The following SLC25A24 variants were observed in gnomAD, a reference collection of about 807,000 sequenced individuals.
The protein encoded by SLC25A24 is solute carrier family 25 member 24.
A neutral mutation model predicts 60.7 loss-of-function variants in SLC25A24; 49 were observed. The observed-to-expected ratio is 0.81, with a 90% CI of 0.64 to 1.02. The LOEUF is 1.02. SLC25A24 is among the 50% of genes least tolerant of loss of function. SLC25A24 has a pLI of 0.00. For missense variants in SLC25A24, 564 were observed against 586.3 expected (o/e 0.96, Z 0.39); for synonymous variants, 202 against 200.6 (o/e 1.01, Z -0.06).
chr1:108,194,657 T>C (rs1375031321), intron 1 of SLC25A24, among the ~76,000 whole-genome samples: 8 of 152,176 alleles, frequency 5.3e-5, no homozygotes, highest in Admixed American at 6.5e-5. Flanking sequence ...TTATTTTTTA[T>C]TCCCCATGCA....
intron 6 of SLC25A24, among the ~76,000 whole-genome samples, chr1:108,149,314 T>C (rs770619801): frequency 2.0e-5 from 3 of 151,998 alleles, no homozygotes; most frequent in East Asian, 1.9e-4. Context: ...ACAGCCAAAA[T>C]AGTGACTGGC....
At chr1:108,199,750 A>T in intron 1 of SLC25A24, 1 of 594,622 alleles carries the variant, frequency 1.7e-6, no homozygotes, top group Non-Finnish European at 3.0e-6. Flanking sequence ...ATACCAGTAG[A>T]CTTTCGTATT....
intron 1 of SLC25A24, among the ~76,000 whole-genome samples, chr1:108,187,944 AT>A (rs1648202992): frequency 1.4e-5 from 2 of 145,872 alleles, no homozygotes; most frequent in Admixed American, 1.4e-4. Flanking sequence ...ATATATATAT[AT>A]TCATGCACTG....
At chr1:108,181,399 C>T (rs1197812951) in intron 3 of SLC25A24, among the ~76,000 whole-genome samples, 1 of 152,186 alleles carries the variant, frequency 6.6e-6, no homozygotes, top group African/African-American at 2.4e-5. Flanking sequence ...TGCTCTATCC[C>T]ATGAAACAAA....
chr1:108,142,992 C>T (rs1679483010), intron 8 of SLC25A24, among the ~76,000 whole-genome samples: 1 of 152,138 alleles, frequency 6.6e-6, no homozygotes, highest in South Asian at 2.1e-4. Context: ...GCACAGATAA[C>T]CACGCTGAGT....
chr1:108,143,498 A>G (rs373099885), intron 8 of SLC25A24, 45 bp downstream of exon 8: 11 of 1,524,384 alleles, frequency 7.2e-6, no homozygotes, highest in Non-Finnish European at 9.8e-6. Context: ...AATTCTAACA[A>G]GATCTAACTG....
chr1:108,150,325 A>G (rs922049980), intron 6 of SLC25A24, among the ~76,000 whole-genome samples: 3 of 152,206 alleles, frequency 2.0e-5, no homozygotes, highest in African/African-American at 7.2e-5. Flanking sequence ...CCTGGTATGT[A>G]AAACTATGTC....
At chr1:108,191,747 T>C (rs543119733) in intron 1 of SLC25A24, among the ~76,000 whole-genome samples, 8 of 140,170 alleles carry the variant, frequency 5.7e-5, no homozygotes, top group African/African-American at 9.9e-5. Flanking sequence ...TTATCCAAAA[T>C]AAACTCAATA....
chr1:108,139,763 C>G (rs1182402084), intron 8 of SLC25A24, among the ~76,000 whole-genome samples: 2 of 152,082 alleles, frequency 1.3e-5, no homozygotes, highest in East Asian at 1.9e-4. Flanking sequence ...AGGCACCCAC[C>G]ACCACGCCCA....
Position 108,135,912 on chromosome 1 carries a change from T to C in SLC25A24, c.*741A>G, listed in dbSNP as rs1362195348. On this transcript the variant is annotated 3_prime_UTR_variant, in exon 10 of 10. Coordinates refer to ENST00000565488, the MANE Select transcript of SLC25A24 (RefSeq NM_013386.5). The stretch of plus-strand genomic sequence containing the variant: ...CTGATACAAGTCAAAGGATTTCGTT[T>C]CCTGCTGCTTTTCAAAGCAATGGCA... 6.6e-6 allele frequency: 1 copy of C among 152,330 alleles called. No homozygotes were observed. The highest frequency in any genetic ancestry group is 6.5e-5 in the Admixed American group (1 of 15,290). The allele number at this position is 152,330 out of a possible 1,614,324, so 9.4% of individuals were successfully genotyped here.
intron 3 of SLC25A24, among the ~76,000 whole-genome samples, chr1:108,165,388 TG>T (rs1268837735): frequency 6.6e-6 from 1 of 151,046 alleles, no homozygotes; most frequent in Non-Finnish European, 1.5e-5. Context: ...ATGTTGACAG[TG>T]GGGTGTGAAA....
chr1:108,145,578 A>AT (rs148182295), intron 7 of SLC25A24, among the ~76,000 whole-genome samples: 23,774 of 150,704 alleles, frequency 0.16, 1,958 homozygotes, highest in South Asian at 0.23. Context: ...TCTTGAGTTA[A>AT]TTTTTTTTTT....
chr1:108,192,719 T>G, intron 1 of SLC25A24: 1 of 1,426,676 alleles, frequency 7.0e-7, no homozygotes, highest in Non-Finnish European at 9.3e-7. Flanking sequence ...ACACGTCCAG[T>G]GGGAAGAGGC....
At chr1:108,143,856 G>A (rs1475331579) in intron 7 of SLC25A24, 146 bp from the exon 8 acceptor site, 1 of 673,262 alleles carries the variant, frequency 1.5e-6, no homozygotes, top group African/African-American at 1.8e-5. Flanking sequence ...TCTCTTTCAT[G>A]TATTACCTCT....
intron 6 of SLC25A24, among the ~76,000 whole-genome samples, chr1:108,153,140 G>C (rs1558011495): frequency 1.3e-5 from 2 of 152,146 alleles, no homozygotes; most frequent in African/African-American, 4.8e-5. Context: ...AGTCAGTACA[G>C]AGATGGCAGC....
chr1:108,171,072 ATTCT>A lies in SLC25A24; in HGVS notation c.399-9783_399-9780del, dbSNP rs1163163801. ...TTACCTATTGCTTTCTAATTATCTC[ATTCT>A]TTCTATGTTTTTCCCTCTTCTCTCT... On this transcript the variant is annotated intron_variant, in intron 3 of 9. Transcript: ENST00000565488. Among the ~76,000 whole-genome samples, 6 of 152,060 alleles carry A rather than the reference ATTCT, an allele frequency of 3.9e-5. No individual in the cohort carries two copies. The East Asian group carries it at 5.8e-4, about 15-fold the overall frequency.
chr1:108,172,702 C>A (rs928853095), intron 3 of SLC25A24, among the ~76,000 whole-genome samples: 8 of 152,180 alleles, frequency 5.3e-5, no homozygotes, highest in Non-Finnish European at 1.2e-4. Context: ...AAGCACCATT[C>A]AGATGTTTTT....
intron 3 of SLC25A24, among the ~76,000 whole-genome samples, chr1:108,163,830 C>T (rs1338501587): frequency 2.6e-5 from 4 of 151,998 alleles, no homozygotes; most frequent in Admixed American, 6.6e-5. Context: ...AACACTATGT[C>T]GAATAGGAGT....
chr1:108,194,410 G>C (rs1648432383), intron 1 of SLC25A24, among the ~76,000 whole-genome samples: 1 of 137,020 alleles, frequency 7.3e-6, no homozygotes, highest in Non-Finnish European at 1.6e-5. Flanking sequence ...TAGTGGCAAA[G>C]AGCCACAGAA....
Sources: allele counts gnomAD v4.1 joint callset (sites outside exome capture counted in the v4.1 genomes callset), GRCh38; gene constraint gnomAD v4.1.1; transcripts MANE v1.5; gene names NCBI Gene and HGNC (gene_info 2026-07-23, HGNC 2026-07-21).